Variants in TMEM263 observed in about 807,000 individuals in gnomAD.
TMEM263 encodes transmembrane protein 263.
In TMEM263, 5 loss-of-function variants were observed where a neutral mutation model predicts 8.6. That is an observed-to-expected ratio of 0.58 (90% CI 0.31 to 1.23). The LOEUF (loss-of-function observed/expected upper bound fraction) is 1.23, where lower values mean the gene tolerates loss of function less well. Ranked by LOEUF, TMEM263 falls within the 50% of genes most tolerant of loss-of-function variation. The pLI is 0.07. For missense variants in TMEM263, 104 were observed against 138.8 expected, an observed-to-expected ratio of 0.75 and a Z score of 1.26; for synonymous variants, 50 against 47.9, an observed-to-expected ratio of 1.04 and a Z score of -0.18.
chr12:106,968,848 A>C (rs1951879614), intron 3 of TMEM263, among the ~76,000 whole-genome samples: 1 of 152,342 alleles, frequency 6.6e-6, no homozygotes, highest in East Asian at 1.9e-4. Context: ...GCCTCAAATC[A>C]GGATTTTGCC....
At chr12:106,958,220 A>G (rs892987183) in intron 2 of TMEM263, among the ~76,000 whole-genome samples, 5 of 152,208 alleles carry the variant, frequency 3.3e-5, no homozygotes, top group Non-Finnish European at 7.3e-5. Context: ...TAAGCTTTAT[A>G]TAACGTGTTA....
intron 2 of TMEM263, among the ~76,000 whole-genome samples, chr12:106,965,108 T>C (rs1167611851): frequency 6.6e-6 from 1 of 152,214 alleles, no homozygotes; most frequent in Non-Finnish European, 1.5e-5. Flanking sequence ...CTTCCTCTCC[T>C]ACTGCCCTTG....
Position 106,956,020 on chromosome 12 carries a change from C to T in TMEM263, c.-120C>T, listed in dbSNP as rs1951683017. 11 of 985,788 alleles carry T rather than the reference C, an allele frequency of 1.1e-5. No homozygotes were observed. The highest frequency in any genetic ancestry group is 1.3e-5 in the Non-Finnish European group (11 of 830,342). 61.1% of individuals were successfully genotyped at this position (985,788 alleles called of 1,614,324 possible). ...CTCAGCTCTCCTCTGCGCCGGCCCGCTCACTCCGCCCGGCCCCAGCCCTAG... is the reference window on the plus strand; with the variant it reads ...CTCAGCTCTCCTCTGCGCCGGCCCGTTCACTCCGCCCGGCCCCAGCCCTAG... On this transcript the variant is annotated 5_prime_UTR_variant, in exon 1 of 4. Coordinates refer to ENST00000280756, the MANE Select transcript of TMEM263 (RefSeq NM_152261.4).
intron 2 of TMEM263, among the ~76,000 whole-genome samples, chr12:106,962,085 TTAAC>T (rs1386090086): frequency 5.3e-5 from 8 of 152,332 alleles, no homozygotes; most frequent in South Asian, 2.1e-4. Flanking sequence ...TAGATGTTAA[TTAAC>T]TATGCATATT....
In TMEM263 at chr12:106,957,124, CAGGAATATCGAT is replaced by C; in HGVS notation, c.-30_-19del. On this transcript the variant is annotated 5_prime_UTR_variant, in exon 2 of 4. Coordinates refer to ENST00000280756, the MANE Select transcript of TMEM263 (RefSeq NM_152261.4). ...GGTGTGAGTGCCCTCAGGGGTTCCC[CAGGAATATCGAT>C]ACAACACCAACAGGTAAACGCGCGC... The C allele has an allele frequency of 1.0e-6, 1 of 985,646 alleles. No homozygotes were observed. Among genetic ancestry groups the C allele is most frequent in the Non-Finnish European group, 1.2e-6 (1 of 830,290 alleles). 61.1% of individuals were successfully genotyped at this position (985,646 alleles called of 1,614,324 possible).
rs55948879 is a variant in TMEM263, at chr12:106,957,165, CGTGTGTGTGTGTGTGTGTGTGTGT to C, written c.-7+39_-7+62del. ...ACACCAACAGGTAAACGCGCGCGCC[CGTGTGTGTGTGTGTGTGTGTGTGT>C]GTGTGTGTGTGTGTGTGTGTGTATG... On this transcript the variant is annotated intron_variant, in intron 2 of 3. Coordinates refer to ENST00000280756, the MANE Select transcript of TMEM263 (RefSeq NM_152261.4). 47 of 849,874 alleles carry C rather than the reference CGTGTGTGTGTGTGTGTGTGTGTGT, an allele frequency of 5.5e-5. No individual in the cohort carries two copies. Among genetic ancestry groups the C allele is most frequent in the African/African-American group, 5.2e-4 (29 of 55,402 alleles). 52.6% of individuals were successfully genotyped at this position (849,874 alleles called of 1,614,324 possible). A position where few individuals can be genotyped will look rare whatever the true frequency, so the allele number is the denominator to read the frequency against.
chr12:106,958,522 C>G, intron 2 of TMEM263, among the ~76,000 whole-genome samples: 1 of 152,286 alleles, frequency 6.6e-6, no homozygotes, highest in East Asian at 1.9e-4. Context: ...AATTATTTCT[C>G]CCCATCTCTA....
rs926144579 is a variant in TMEM263 at position 106,960,873 on chromosome 12, A to G, written c.-7+3724A>G. On this transcript the variant is annotated intron_variant, in intron 2 of 3. Transcript: ENST00000280756. ...TTAAGTCCTAGGCACACCACTGCCT[A>G]TGTTTAAAAAGGTACATTTGGAAAG... 8.5e-5 allele frequency among the ~76,000 whole-genome samples: 13 copies of G among 152,308 alleles called. 1 individual carries two copies. The Middle Eastern group carries it at 0.01, about 120-fold the overall frequency.
At chr12:106,968,358 A>G (rs1010356136) in intron 3 of TMEM263, among the ~76,000 whole-genome samples, 2 of 150,930 alleles carry the variant, frequency 1.3e-5, no homozygotes, top group Non-Finnish European at 2.9e-5. Flanking sequence ...CCTGGGCGAC[A>G]GAGTGAGACT....
intron 2 of TMEM263, among the ~76,000 whole-genome samples, chr12:106,961,224 A>ATTTTTTTTTTTTTTT (rs554707654): frequency 1.3e-5 from 1 of 75,130 alleles, no homozygotes; most frequent in Non-Finnish European, 2.5e-5. Context: ...TGCCCAGTCA[A>ATTTTTTTTTTTTTTT]TTTTTTTTTT....
intron 2 of TMEM263, among the ~76,000 whole-genome samples, chr12:106,962,447 CATTTGTTCATTTT>C (rs1658224988): frequency 6.6e-6 from 1 of 152,182 alleles, no homozygotes; most frequent in African/African-American, 2.4e-5. Flanking sequence ...AGGCTGTACT[CATTTGTTCATTTT>C]CAGATGTGTT....
rs1177294779 is a variant in TMEM263, at chr12:106,971,584, T to G, written c.*193T>G. On this transcript the variant is annotated 3_prime_UTR_variant, in exon 4 of 4. Transcript: ENST00000280756. ...ACAGTATATGAAGGTTTCTCATACTTAAGTTCCAGGTTTTTATCTGGTAAA... is the reference window on the plus strand; with the variant it reads ...ACAGTATATGAAGGTTTCTCATACTGAAGTTCCAGGTTTTTATCTGGTAAA... 2 of 488,086 alleles carry G rather than the reference T, an allele frequency of 4.1e-6. No individual in the cohort carries two copies. The highest frequency in any genetic ancestry group is 6.9e-6 in the Non-Finnish European group (2 of 289,744). The allele number at this position is 488,086 out of a possible 1,614,324, so 30.2% of individuals were successfully genotyped here.
At chr12:106,965,798 C>CAT (rs929136954) in intron 2 of TMEM263, among the ~76,000 whole-genome samples, 9 of 151,194 alleles carry the variant, frequency 6.0e-5, no homozygotes, top group East Asian at 1.9e-4. Context: ...TTGATATATA[C>CAT]ATATATATAT....
At chr12:106,966,236 G>A (rs1384551008) in intron 2 of TMEM263, among the ~76,000 whole-genome samples, 2 of 152,104 alleles carry the variant, frequency 1.3e-5, no homozygotes, top group Non-Finnish European at 2.9e-5. Flanking sequence ...GAGAAAATGC[G>A]GTATTTGGTT....
At chr12:106,962,883 A>G (rs1951798343) in intron 2 of TMEM263, among the ~76,000 whole-genome samples, 1 of 152,240 alleles carries the variant, frequency 6.6e-6, no homozygotes, top group South Asian at 2.1e-4. Flanking sequence ...AGTGTCAACC[A>G]TGCATCATTG....
intron 3 of TMEM263, among the ~76,000 whole-genome samples, chr12:106,969,002 C>T (rs1951882337): frequency 6.6e-6 from 1 of 152,098 alleles, no homozygotes; most frequent in Admixed American, 6.5e-5. Context: ...ATTAACTATA[C>T]TTATTAAGTA....
intron 2 of TMEM263, among the ~76,000 whole-genome samples, chr12:106,966,455 G>A (rs1164426133): frequency 2.6e-5 from 4 of 152,294 alleles, no homozygotes; most frequent in South Asian, 2.1e-4. Flanking sequence ...AACATAACAC[G>A]TGTGTGGTAG....
intron 2 of TMEM263, among the ~76,000 whole-genome samples, chr12:106,965,490 C>G (rs1357959166): frequency 2.0e-5 from 3 of 148,368 alleles, no homozygotes; most frequent in Non-Finnish European, 4.4e-5. Flanking sequence ...GACTGTAGTC[C>G]CAGCTACTCG....
intron 2 of TMEM263, among the ~76,000 whole-genome samples, chr12:106,957,935 A>G (rs999719499): frequency 2.6e-5 from 4 of 152,242 alleles, no homozygotes; most frequent in Admixed American, 6.5e-5. Flanking sequence ...ACATAAAAAC[A>G]GTAAGCTGGA....
Sources: gnomAD v4.1 joint callset for allele counts (sites outside exome capture counted in the v4.1 genomes callset) on GRCh38, gnomAD v4.1.1 for gene constraint, MANE v1.5 for transcripts, NCBI Gene and HGNC (gene_info 2026-07-23, HGNC 2026-07-21) for gene names.